The following TG variants were observed in gnomAD, a reference collection of about 807,000 sequenced individuals.
TG encodes thyroid hormones.
A neutral mutation model predicts 324.7 loss-of-function variants in TG; 270 were observed. That is an observed-to-expected ratio of 0.83 (90% CI 0.75 to 0.92). The LOEUF is 0.92. Among genes scored for constraint, TG ranks in the 40% least tolerant of loss-of-function variants. The probability of loss-of-function intolerance (pLI) is 0.00; values close to 1 mark genes in which losing one functional copy is unlikely to be tolerated. For missense variants in TG, 3,591 were observed against 3,456.4 expected, an observed-to-expected ratio of 1.04 and a Z score of -0.98; for synonymous variants, 1,401 against 1,327.0, an observed-to-expected ratio of 1.06 and a Z score of -1.21.
At position 133,017,259 on chromosome 8, in the gene TG, C is replaced by CTT. The variant is rs1169038279; in HGVS notation, c.6563-504_6563-503dup. Among the ~76,000 whole-genome samples the CTT allele has an allele frequency of 1.4e-4, 19 of 136,922 alleles. 1 individual carries two copies. Among genetic ancestry groups the CTT allele is most frequent in the Middle Eastern group, 3.8e-3 (1 of 264 alleles). The allele number at this position is 136,922 out of a possible 152,430, so 89.8% of individuals were successfully genotyped here. ...TCTGAAACCCAAAAGTCCTAAAAGT[C>CTT]TTTTTTTTTTTTTTTTGGTAAGTTT... On this transcript the variant is annotated intron_variant, in intron 37 of 47. Coordinates refer to ENST00000220616, the MANE Select transcript of TG (RefSeq NM_003235.5).
chr8:133,133,721 C>A (rs971478888), intron 47 of TG, 61 bp downstream of exon 47: 1 of 1,565,006 alleles, frequency 6.4e-7, no homozygotes, highest in South Asian at 1.1e-5. Flanking sequence ...CTGCTGTGCT[C>A]GCTGCATGAG....
intron 43 of TG, among the ~76,000 whole-genome samples, chr8:133,105,304 G>A (rs761985805): frequency 6.6e-6 from 1 of 152,208 alleles, no homozygotes; most frequent in Non-Finnish European, 1.5e-5. Flanking sequence ...GCCCCAGTGT[G>A]GTAGAGGAGA....
At chr8:133,127,831 C>G (rs1477169014) in intron 45 of TG, among the ~76,000 whole-genome samples, 1 of 152,138 alleles carries the variant, frequency 6.6e-6, no homozygotes, top group African/African-American at 2.4e-5. Context: ...CAGCCATACC[C>G]CTTGTCATTC....
chr8:133,025,773 A>C (rs1452495327), intron 40 of TG, among the ~76,000 whole-genome samples: 2 of 152,140 alleles, frequency 1.3e-5, no homozygotes, highest in African/African-American at 4.8e-5. Context: ...GCAGTTCAGA[A>C]CATAGATTTG....
chr8:132,918,505 A>G lies in TG; in HGVS notation c.4379-871A>G, dbSNP rs188863723. 3.9e-3 allele frequency among the ~76,000 whole-genome samples: 601 copies of G among 152,294 alleles called. 2 individuals carry two copies. The highest frequency in any genetic ancestry group is 6.6e-3 in the Non-Finnish European group (448 of 68,034). On this transcript the variant is annotated intron_variant, in intron 20 of 47. Coordinates refer to ENST00000220616, the MANE Select transcript of TG (RefSeq NM_003235.5). Reference sequence around the variant, plus strand: ...TTTCCAAGATGTGGCTCGAGTTTCTAATTTACTCAGAAATGCCAACTACAC... The same window carrying G: ...TTTCCAAGATGTGGCTCGAGTTTCTGATTTACTCAGAAATGCCAACTACAC...
chr8:133,077,997 T>A (rs1029640806), intron 41 of TG, among the ~76,000 whole-genome samples: 1 of 152,202 alleles, frequency 6.6e-6, no homozygotes, highest in Non-Finnish European at 1.5e-5. Context: ...GTGTGAAGGT[T>A]GTTCTTTCTT....
chr8:132,871,276 T>G, intron 3 of TG, 72 bp from the exon 4 acceptor site: 14 of 1,512,702 alleles, frequency 9.3e-6, no homozygotes, highest in Non-Finnish European at 1.3e-5. Context: ...GAAGGGAGCA[T>G]GAGTTTTCCT....
chr8:132,967,993 A>G, intron 31 of TG, 23 bp downstream of exon 31: 2 of 1,611,618 alleles, frequency 1.2e-6, no homozygotes, highest in Middle Eastern at 1.8e-4. Flanking sequence ...AGAGATCTGC[A>G]TAAACTGTAT....
Position 132,937,736 on chromosome 8 carries a change from G to A in TG, c.5041+1872G>A, listed in dbSNP as rs115781811. On this transcript the variant is annotated intron_variant, in intron 25 of 47. Coordinates refer to ENST00000220616, the MANE Select transcript of TG (RefSeq NM_003235.5). The stretch of plus-strand genomic sequence containing the variant: ...ACCCTTTTATGACATTTTAAAAAAT[G>A]CAATTGTATTTCTGTTTAAGTGTTT... Among the ~76,000 whole-genome samples the A allele has an allele frequency of 4.0e-3, 600 of 149,460 alleles. 6 individuals carry two copies. Among genetic ancestry groups the A allele is most frequent in the African/African-American group, 0.014 (574 of 41,210 alleles).
intron 27 of TG, among the ~76,000 whole-genome samples, chr8:132,951,806 G>A (rs1002858172): frequency 6.6e-5 from 10 of 152,310 alleles, no homozygotes; most frequent in East Asian, 1.9e-4. Context: ...CTTTTAGTAC[G>A]ATTAACCCCT....
chr8:132,897,940 C>T (rs1015477820), intron 12 of TG, among the ~76,000 whole-genome samples, 154 bp downstream of exon 12: 2 of 152,192 alleles, frequency 1.3e-5, no homozygotes, highest in Non-Finnish European at 2.9e-5. Context: ...CTCCAGTTAT[C>T]TCACTTGTGT....
At chr8:133,020,061 A>G (rs1404910595) in intron 39 of TG, among the ~76,000 whole-genome samples, 6 of 152,216 alleles carry the variant, frequency 3.9e-5, no homozygotes, top group African/African-American at 1.4e-4. Context: ...CAATTGATTG[A>G]CAGAAAAATG....
At chr8:133,132,337 AG>A (rs1852006166) in intron 46 of TG, among the ~76,000 whole-genome samples, 1 of 152,188 alleles carries the variant, frequency 6.6e-6, no homozygotes, top group Non-Finnish European at 1.5e-5. Context: ...TTGAGAACCA[AG>A]CATGTCGAAT....
chr8:133,030,716 G>A (rs1836559022), intron 41 of TG, among the ~76,000 whole-genome samples: 1 of 152,242 alleles, frequency 6.6e-6, no homozygotes, highest in South Asian at 2.1e-4. Context: ...AGATCTCAGG[G>A]CAGCCCTAAG....
Position 132,888,126 on chromosome 8 carries a change from A to G in TG, c.2319A>G (p.Gln773=). 1 of 1,614,150 alleles carries G rather than the reference A, an allele frequency of 6.2e-7. No homozygotes were observed. The highest frequency in any genetic ancestry group is 8.5e-7 in the Non-Finnish European group (1 of 1,180,012). Residue 773 remains glutamine, a synonymous_variant, in exon 10 of 48, where the codon CAA becomes CAG. Transcript: ENST00000220616. Reference sequence around the variant, plus strand: ...CCGATGGGCAGTGGAGACAAGTGCAATGCAATGGGCCTCCTGAGCAGGTCT... The same window carrying G: ...CCGATGGGCAGTGGAGACAAGTGCAGTGCAATGGGCCTCCTGAGCAGGTCT... ...CSTDGQWRQV[Q]CNGPPEQVFE...
chr8:132,888,435 C>G lies in TG; in HGVS notation c.2628C>G (p.Leu876=), dbSNP rs1377379949. ...YLFWQILNGQ[L]SQYPGSYSDF... The stretch of plus-strand genomic sequence containing the variant: ...TCTGGCAGATCTTAAATGGCCAACT[C>G]AGCCAATACCCGGGGTCCTACTCAG... The change falls in exon 10 of 48, where the codon CTC becomes CTG. Residue 876 remains leucine (L), a synonymous_variant. Coordinates refer to ENST00000220616, the MANE Select transcript of TG (RefSeq NM_003235.5). 1.2e-6 allele frequency: 2 copies of G among 1,612,830 alleles called. No individual in the cohort carries two copies. Among genetic ancestry groups the G allele is most frequent in the Non-Finnish European group, 1.7e-6 (2 of 1,179,108 alleles).
intron 42 of TG, 130 bp downstream of exon 42, chr8:133,095,338 G>A (rs1848243997): frequency 7.8e-7 from 1 of 1,274,396 alleles, no homozygotes; most frequent in African/African-American, 1.5e-5. Flanking sequence ...ACTGGAGCTG[G>A]AACTCACATT....
At chr8:132,888,642 A>C (rs1356537871) in intron 10 of TG, 74 bp downstream of exon 10, 1 of 1,415,142 alleles carries the variant, frequency 7.1e-7, no homozygotes, top group Non-Finnish European at 9.4e-7. Context: ...TAACATATAA[A>C]AAAGGATGTC....
chr8:133,010,423 T>C (rs376553143), intron 35 of TG, among the ~76,000 whole-genome samples: 200 of 152,318 alleles, frequency 1.3e-3, no homozygotes, highest in African/African-American at 4.7e-3. Context: ...GACACACTAC[T>C]GTGGTCTTCT....
Sources: allele counts gnomAD v4.1 joint callset (sites outside exome capture counted in the v4.1 genomes callset), GRCh38; gene constraint gnomAD v4.1.1; transcripts MANE v1.5; gene names NCBI Gene and HGNC (gene_info 2026-07-23, HGNC 2026-07-21).